Variants in PLCG2 observed in about 807,000 individuals in gnomAD.
PLCG2 encodes 1-phosphatidylinositol 4,5-bisphosphate phosphodiesterase gamma-2.
In PLCG2, 69 loss-of-function variants were observed where a neutral mutation model predicts 175.6. The ratio of observed to expected loss-of-function variants is 0.39; its 90% CI spans 0.32 to 0.48. The LOEUF (loss-of-function observed/expected upper bound fraction) is 0.48, where lower values mean the gene tolerates loss of function less well. PLCG2 is among the 20% of genes least tolerant of loss of function. The probability of loss-of-function intolerance (pLI) is 0.91; values close to 1 mark genes in which losing one functional copy is unlikely to be tolerated. For synonymous variants in PLCG2, 827 were observed against 624.0 expected, an observed-to-expected ratio of 1.33 and a Z score of -4.85; for missense variants, 1,798 against 1,650.9, an observed-to-expected ratio of 1.09 and a Z score of -1.54.
intron 1 of PLCG2, among the ~76,000 whole-genome samples, chr16:81,779,928 C>G (rs1910654818): frequency 5.9e-5 from 9 of 152,236 alleles, no homozygotes; most frequent in Admixed American, 5.9e-4. Context: ...TTGCAGGACA[C>G]TCGCGATGCC....
At chr16:81,776,675 C>G (rs1236927181), upstream of PLCG2, among the ~76,000 whole-genome samples, 2 of 152,192 alleles carry the variant, frequency 1.3e-5, no homozygotes, top group Non-Finnish European at 2.9e-5. Context: ...CTACCTCAGA[C>G]TCGTGAGTAG....
At chr16:81,754,831 A>G (rs1330563806) in intron 1 of PLCG2, among the ~76,000 whole-genome samples, 1 of 152,182 alleles carries the variant, frequency 6.6e-6, no homozygotes, top group Admixed American at 6.5e-5. Context: ...TGCCTGCTAC[A>G]TTGTAGGTAT....
At chr16:81,840,743 G>A (rs528650075) in intron 2 of PLCG2, among the ~76,000 whole-genome samples, 3 of 152,238 alleles carry the variant, frequency 2.0e-5, no homozygotes, top group African/African-American at 2.4e-5. Flanking sequence ...GATTCCTAAC[G>A]GGCCACAGAC....
chr16:81,821,324 G>T (rs953909179), intron 2 of PLCG2, among the ~76,000 whole-genome samples: 20 of 152,228 alleles, frequency 1.3e-4, no homozygotes, highest in African/African-American at 4.8e-4. Context: ...CTCTTGCTGT[G>T]TAACAAACCA....
intron 19 of PLCG2, among the ~76,000 whole-genome samples, chr16:81,917,042 A>G (rs1350076706): frequency 6.6e-6 from 1 of 151,882 alleles, no homozygotes; most frequent in Non-Finnish European, 1.5e-5. Flanking sequence ...CATATCCCCA[A>G]CACTCCCTAC....
rs1367439695 is a variant in PLCG2 at position 81,910,846 on chromosome 16, C to G, written c.1934+126C>G. The G allele has an allele frequency of 7.0e-6, 6 of 862,050 alleles. No homozygotes were observed. The Admixed American group carries it at 9.8e-5, about 14-fold the overall frequency. The allele number at this position is 862,050 out of a possible 1,614,324, so 53.4% of individuals were successfully genotyped here. A position where few individuals can be genotyped will look rare whatever the true frequency, so the allele number is the denominator to read the frequency against. On this transcript the variant is annotated intron_variant, in intron 18 of 32. Transcript: ENST00000564138. ...CACCCTCTCCCCAGCCCACCGGCAT[C>G]TCAAAATTGCCGAGGTGGCCAGTTT... is the stretch of plus-strand genomic sequence containing the variant.
chr16:81,851,976 CCTGTGTTTCA>C (rs1906439496), intron 2 of PLCG2: 1 of 150,422 alleles, frequency 6.6e-6, no homozygotes, highest in Non-Finnish European at 1.5e-5. Context: ...ACGAACCTCT[CCTGTGTTTCA>C]CTATGACTCT....
chr16:81,826,736 A>G (rs1905063889), intron 2 of PLCG2, among the ~76,000 whole-genome samples: 1 of 152,200 alleles, frequency 6.6e-6, no homozygotes, highest in South Asian at 2.1e-4. Flanking sequence ...CCCATTTTAT[A>G]GATGGGGAAA....
intron 2 of PLCG2, 66 bp downstream of exon 2, chr16:81,786,248 C>T (rs1001450591): frequency 8.5e-6 from 11 of 1,300,458 alleles, no homozygotes; most frequent in Non-Finnish European, 1.1e-5. Context: ...CACCTGTCCA[C>T]CTTCCTGTCT....
chr16:81,756,349 C>G (rs2054117453), intron 2 of PLCG2, among the ~76,000 whole-genome samples: 1 of 152,234 alleles, frequency 6.6e-6, no homozygotes, highest in South Asian at 2.1e-4. Context: ...ATGCCAGTCA[C>G]TGACCTCAGC....
rs1230145388 is a variant in PLCG2 at position 81,744,850 on chromosome 16, G to A, written c.-145+5465G>A. Among the ~76,000 whole-genome samples the A allele has an allele frequency of 2.6e-5, 4 of 152,162 alleles. No individual in the cohort carries two copies. In the East Asian group the frequency reaches 7.7e-4, roughly 29 times the overall value. ...CAAAGTGCTGGGATTACAGACATGA[G>A]CTACTGCTCCCAGCCCAGGAATTGG... On this transcript the variant is annotated intron_variant, in intron 1 of 5. Coordinates refer to the PLCG2 transcript ENST00000565054.
chr16:81,898,603 T>A (rs962293462), intron 13 of PLCG2: 4 of 152,198 alleles, frequency 2.6e-5, no homozygotes. Flanking sequence ...TTTATGGAAG[T>A]GACATAGCTG....
intron 25 of PLCG2, among the ~76,000 whole-genome samples, chr16:81,933,030 G>A (rs371948049): frequency 3.2e-4 from 48 of 152,320 alleles, no homozygotes; most frequent in African/African-American, 1.1e-3. Context: ...TTTGCTTAAT[G>A]TGGAAAAGTG....
chr16:81,895,771 C>CA (rs1276747851), intron 12 of PLCG2, 36 bp from the exon 13 acceptor site: 1 of 1,613,062 alleles, frequency 6.2e-7, no homozygotes, highest in Non-Finnish European at 8.5e-7. Flanking sequence ...TCAGTGAACA[C>CA]ACGTGGTATT....
chr16:81,824,394 A>G (rs1179153536), intron 2 of PLCG2, among the ~76,000 whole-genome samples: 1 of 152,124 alleles, frequency 6.6e-6, no homozygotes, highest in Non-Finnish European at 1.5e-5. Flanking sequence ...TCAACCTCCC[A>G]AAGTGCTGGG....
intron 6 of PLCG2, among the ~76,000 whole-genome samples, chr16:81,869,752 A>G (rs914860390): frequency 2.0e-5 from 3 of 152,182 alleles, no homozygotes; most frequent in Non-Finnish European, 4.4e-5. Flanking sequence ...TTCTCCAACC[A>G]TCCATCCTTC....
At chr16:81,884,929 C>T (rs1312797724) in intron 9 of PLCG2, among the ~76,000 whole-genome samples, 1 of 152,094 alleles carries the variant, frequency 6.6e-6, no homozygotes, top group African/African-American at 2.4e-5. Context: ...ACCCCCTTGC[C>T]CAGGCTGGAG....
intron 31 of PLCG2, among the ~76,000 whole-genome samples, chr16:81,956,484 A>T (rs1050640737): frequency 1.3e-5 from 2 of 152,202 alleles, no homozygotes; most frequent in African/African-American, 4.8e-5. Context: ...TGTAAAGACC[A>T]AGCACTTTTT....
At chr16:81,765,417 G>A (rs1217820647) in intron 2 of PLCG2, among the ~76,000 whole-genome samples, 10 of 152,228 alleles carry the variant, frequency 6.6e-5, no homozygotes, top group Non-Finnish European at 1.5e-4. Context: ...GATCACTTGA[G>A]GTCAGGAGTT....
Sources: allele counts gnomAD v4.1 joint callset (sites outside exome capture counted in the v4.1 genomes callset), GRCh38; gene constraint gnomAD v4.1.1; transcripts MANE v1.5; gene names NCBI Gene and HGNC (gene_info 2026-07-23, HGNC 2026-07-21).